The following TRMT9B variants were observed in gnomAD, a reference collection of about 807,000 sequenced individuals.
TRMT9B encodes tRNA methyltransferase 9B (putative).
TRMT9B carries 16 observed loss-of-function variants against 11.5 expected under a neutral mutation model. That is an observed-to-expected ratio of 1.39 (90% CI 0.94 to 2.11). TRMT9B has a LOEUF of 2.11. Among genes scored for constraint, TRMT9B ranks in the 30% most tolerant of loss-of-function variants. The pLI is 0.00. For missense variants in TRMT9B, 941 were observed against 553.8 expected (o/e 1.70, Z -7.02); for synonymous variants, 274 against 192.4 (o/e 1.42, Z -3.51).
chr8:12,963,590 A>G (rs1308850981), intron 1 of TRMT9B, among the ~76,000 whole-genome samples: 4 of 152,022 alleles, frequency 2.6e-5, no homozygotes, highest in Non-Finnish European at 5.9e-5. Flanking sequence ...TCTCTACAAA[A>G]ACAAAAATTA....
chr8:12,954,140 G>T (rs1800994513), intron 1 of TRMT9B, among the ~76,000 whole-genome samples: 1 of 152,168 alleles, frequency 6.6e-6, no homozygotes, highest in African/African-American at 2.4e-5. Flanking sequence ...AAATTGGAAG[G>T]TCAATGGGAG....
intron 3 of TRMT9B, 184 bp from the exon 4 acceptor site, chr8:13,012,500 G>T (rs558227333): frequency 2.8e-6 from 2 of 723,750 alleles, no homozygotes; most frequent in South Asian, 5.1e-5. Context: ...GCTTGAACCC[G>T]TGAGGCAGAG....
chr8:12,961,112 G>A (rs1259426091), intron 1 of TRMT9B, among the ~76,000 whole-genome samples: 2 of 152,146 alleles, frequency 1.3e-5, no homozygotes, highest in African/African-American at 4.8e-5. Flanking sequence ...CTGCACTCCA[G>A]CCTGGTGACA....
At chr8:12,965,893 G>T (rs1013994567) in intron 1 of TRMT9B, among the ~76,000 whole-genome samples, 2 of 151,418 alleles carry the variant, frequency 1.3e-5, no homozygotes, top group African/African-American at 2.4e-5. Context: ...GGCACCTGTA[G>T]TTCCAGCTAC....
intron 1 of TRMT9B, among the ~76,000 whole-genome samples, chr8:12,976,821 T>C (rs1020674572): frequency 1.3e-5 from 2 of 152,128 alleles, no homozygotes; most frequent in Admixed American, 6.6e-5. Context: ...GGCATGACTT[T>C]AAACCCAGGA....
rs542892092 is a variant in TRMT9B at position 12,983,477 on chromosome 8, C to T, written c.-199-7357C>T. 3.3e-5 allele frequency among the ~76,000 whole-genome samples: 5 copies of T among 152,262 alleles called. No individual in the cohort carries two copies. In the Middle Eastern group the frequency reaches 0.01, roughly 311 times the overall value. The stretch of plus-strand genomic sequence containing the variant: ...CTGAGGTCAGGAGTTTGAGACCAGC[C>T]TGACCAACACGGTGAAATCCCATCT... On this transcript the variant is annotated intron_variant, in intron 1 of 4. Transcript: ENST00000524591.
Position 13,021,036 on chromosome 8 carries a change from A to T in TRMT9B, c.357A>T (p.Arg119Ser). ...GVIHHFSTKQ[R>S]RIRAIKEMAR... ...TACATCATTTTTCTACAAAACAAAG[A>T]AGAATCAGAGCAATAAAAGAAATGG... Residue 119 changes from arginine to serine, a missense_variant, in exon 5 of 5, where the codon AGA (arginine) becomes AGT (serine). By Grantham distance (110) the Arg-to-Ser change is moderately radical. Coordinates refer to ENST00000524591, the MANE Select transcript of TRMT9B (RefSeq NM_020844.3). 6.4e-7 allele frequency: 1 copy of T among 1,566,138 alleles called. No homozygotes were observed.
chr8:13,016,655 T>G (rs992029647), intron 4 of TRMT9B, among the ~76,000 whole-genome samples: 4 of 151,736 alleles, frequency 2.6e-5, no homozygotes, highest in African/African-American at 9.7e-5. Context: ...TTTGGAATAG[T>G]CTGATAAACA....
chr8:12,953,342 ATTT>A (rs1010343692), intron 1 of TRMT9B, among the ~76,000 whole-genome samples: 1 of 151,776 alleles, frequency 6.6e-6, no homozygotes, highest in African/African-American at 2.4e-5. Flanking sequence ...ATTTTTTATT[ATTT>A]ATTTGTTTGT....
chr8:13,007,093 T>G (rs1370611655), intron 3 of TRMT9B: 1 of 152,252 alleles, frequency 6.6e-6, no homozygotes, highest in Non-Finnish European at 1.5e-5. Flanking sequence ...CCGTTGTAAA[T>G]TTAAAGATAT....
rs80110756 is a variant in TRMT9B, at chr8:12,956,245, T to C, written c.-200+10279T>C. 1.1e-4 allele frequency among the ~76,000 whole-genome samples: 17 copies of C among 152,286 alleles called. No individual in the cohort carries two copies. The East Asian group carries it at 2.7e-3, about 24-fold the overall frequency. On this transcript the variant is annotated intron_variant, in intron 1 of 4. Coordinates refer to ENST00000524591, the MANE Select transcript of TRMT9B (RefSeq NM_020844.3). The stretch of plus-strand genomic sequence containing the variant: ...GTGACAATCCATCATGCCTAACACA[T>C]ATCTAAAATATATTTCATCCGAGAT...
rs1421507910 is a variant in TRMT9B at position 13,026,118 on chromosome 8, G to C, written c.*4074G>C. 6.0e-6 allele frequency: 1 copy of C among 167,060 alleles called. No homozygotes were observed. The highest frequency in any genetic ancestry group is 1.5e-5 in the Non-Finnish European group (1 of 68,128). 10.3% of individuals were successfully genotyped at this position (167,060 alleles called of 1,614,324 possible). A position where few individuals can be genotyped will look rare whatever the true frequency, so the allele number is the denominator to read the frequency against. On this transcript the variant is annotated 3_prime_UTR_variant, in exon 5 of 5. Transcript: ENST00000524591. ...TATGAGCTGTGAGCCCCCAGTTTTG[G>C]AGGAAGGAGGAAATGGGAACCAACC...
intron 2 of TRMT9B, among the ~76,000 whole-genome samples, chr8:12,992,218 T>G (rs906584767): frequency 6.6e-6 from 1 of 152,192 alleles, no homozygotes; most frequent in Non-Finnish European, 1.5e-5. Flanking sequence ...GAGACATAGA[T>G]AGAGATATAT....
At position 13,010,485 on chromosome 8, in the gene TRMT9B, G is replaced by A. The variant is rs1370857342; in HGVS notation, c.155-2199G>A. 2.4e-5 allele frequency: 24 copies of A among 984,476 alleles called. 1 individual carries two copies. Among genetic ancestry groups the A allele is most frequent in the South Asian group, 4.7e-5 (1 of 21,272 alleles). 61.0% of individuals were successfully genotyped at this position (984,476 alleles called of 1,614,324 possible). ...TCAGCTGTTTGATGAATAGACAATA[G>A]TTTGGATTAAAAAATATTTAAAATT... On this transcript the variant is annotated intron_variant, in intron 3 of 4. Transcript: ENST00000524591.
rs1815105016 is a variant in TRMT9B at position 13,029,396 on chromosome 8, G to A, written c.*7352G>A. 6.0e-6 allele frequency: 1 copy of A among 166,982 alleles called. No individual in the cohort carries two copies. Among genetic ancestry groups the A allele is most frequent in the African/African-American group, 2.4e-5 (1 of 41,446 alleles). The allele number at this position is 166,982 out of a possible 1,614,324, so 10.3% of individuals were successfully genotyped here. A position where few individuals can be genotyped will look rare whatever the true frequency, so the allele number is the denominator to read the frequency against. On this transcript the variant is annotated 3_prime_UTR_variant, in exon 5 of 5. Transcript: ENST00000524591. ...ATTTTGACTTTTATAATAATGCGAAGTAGTTTTATTTGCATTAATCAATAA... is the reference window on the plus strand; with the variant it reads ...ATTTTGACTTTTATAATAATGCGAAATAGTTTTATTTGCATTAATCAATAA...
chr8:12,989,715 C>A (rs1806991936), intron 1 of TRMT9B, among the ~76,000 whole-genome samples: 1 of 152,208 alleles, frequency 6.6e-6, no homozygotes, highest in Admixed American at 6.5e-5. Context: ...GAATCTTTAG[C>A]TTTACCCTGT....
rs199687284 is a variant in TRMT9B, at chr8:12,994,262, G to GA, written c.-2+3233dup. Among the ~76,000 whole-genome samples the GA allele has an allele frequency of 5.1e-3, 773 of 152,326 alleles. 4 individuals are homozygous for GA. The highest frequency in any genetic ancestry group is 0.018 in the African/African-American group (734 of 41,556). On this transcript the variant is annotated intron_variant, in intron 2 of 4. Coordinates refer to ENST00000524591, the MANE Select transcript of TRMT9B (RefSeq NM_020844.3). The stretch of plus-strand genomic sequence containing the variant: ...TTGGGAACGGATCAGGTATTCCCCA[G>GA]AATCTTAGATCTCCAAAATTACTTT...
At position 12,960,869 on chromosome 8, in the gene TRMT9B, G is replaced by A. The variant is rs188890776; in HGVS notation, c.-200+14903G>A. On this transcript the variant is annotated intron_variant, in intron 1 of 4. Transcript: ENST00000524591. The stretch of plus-strand genomic sequence containing the variant: ...GTAGGGCAATAAAACTGGGCTGGGC[G>A]CGGTGGCTCACACCTGTAATCCCAG... Among the ~76,000 whole-genome samples the A allele has an allele frequency of 5.2e-3, 785 of 152,264 alleles. 6 individuals carry two copies. Among genetic ancestry groups the A allele is most frequent in the African/African-American group, 0.018 (729 of 41,548 alleles).
Position 13,027,977 on chromosome 8 carries a change from C to G in TRMT9B, c.*5933C>G, listed in dbSNP as rs913849595. ...CTGAGGTGCAAACATTTAAAAAGAT[C>G]TCTCACCAAACAAGGATTGAAATTG... On this transcript the variant is annotated 3_prime_UTR_variant, in exon 5 of 5. Transcript: ENST00000524591. The G allele has an allele frequency of 1.2e-5, 2 of 166,954 alleles. No individual in the cohort carries two copies. The highest frequency in any genetic ancestry group is 2.9e-5 in the Non-Finnish European group (2 of 68,108). 10.3% of individuals were successfully genotyped at this position (166,954 alleles called of 1,614,324 possible). A position where few individuals can be genotyped will look rare whatever the true frequency, so the allele number is the denominator to read the frequency against.
Sources: allele counts gnomAD v4.1 joint callset (sites outside exome capture counted in the v4.1 genomes callset), GRCh38; gene constraint gnomAD v4.1.1; transcripts MANE v1.5; gene names NCBI Gene and HGNC (gene_info 2026-07-23, HGNC 2026-07-21).